Variants in GRK1 observed in about 807,000 individuals in gnomAD.
GRK1 encodes the protein rhodopsin kinase GRK1.
Under a neutral mutation model 41.7 loss-of-function variants are expected in GRK1, and 28 were observed. The ratio of observed to expected loss-of-function variants is 0.67; its 90% CI spans 0.50 to 0.92. The LOEUF (loss-of-function observed/expected upper bound fraction) is 0.92. GRK1 is among the 40% of genes least tolerant of loss of function. The pLI is 0.00. For missense variants in GRK1, 703 were observed against 671.2 expected (o/e 1.05, Z -0.52); for synonymous variants, 327 against 286.7 (o/e 1.14, Z -1.42).
In GRK1 at chr13:113,731,118, C is replaced by CG. The variant is rs548368069; in HGVS notation, c.1070-94dup. ...CCAAATGTGGAGAGTGCTGAGGCCCCGGGGGGGATGCATCCCCAGAGCATC... is the reference window on the plus strand; with the variant it reads ...CCAAATGTGGAGAGTGCTGAGGCCCCGGGGGGGGATGCATCCCCAGAGCATC... On this transcript the variant is annotated intron_variant, in intron 4 of 6. Coordinates refer to ENST00000335678, the MANE Select transcript of GRK1 (RefSeq NM_002929.3). This position sits in a 1 kb window ranked among gnomAD's most constrained non-coding sequence, Gnocchi z 5.6. 66 of 1,459,638 alleles carry CG rather than the reference C, an allele frequency of 4.5e-5. 1 individual carries two copies. Among genetic ancestry groups the CG allele is most frequent in the African/African-American group, 4.1e-4 (29 of 71,524 alleles). The allele number at this position is 1,459,638 out of a possible 1,614,324, so 90.4% of individuals were successfully genotyped here. A position where few individuals can be genotyped will look rare whatever the true frequency, so the allele number is the denominator to read the frequency against.
upstream of GRK1, among the ~76,000 whole-genome samples, chr13:113,665,034 C>T (rs965326545): frequency 1.3e-5 from 2 of 152,220 alleles, no homozygotes; most frequent in South Asian, 2.1e-4. Context: ...GCTCGGTCTG[C>T]GGGCCCTCGC....
chr13:113,657,483 C>T, the GRK1 span, among the ~76,000 whole-genome samples: 8 of 152,338 alleles, frequency 5.3e-5, no homozygotes, highest in African/African-American at 9.6e-5. Flanking sequence ...CCAGGCTGCC[C>T]GCGCCTCTGT....
the GRK1 span, chr13:113,653,155 A>G: frequency 1.3e-6 from 2 of 1,503,448 alleles, no homozygotes; most frequent in East Asian, 4.6e-5. Flanking sequence ...GCAAGCCCTG[A>G]GTGCGAGTTT....
At chr13:113,733,803 CTGTG>C (rs774641194) in intron 6 of GRK1, among the ~76,000 whole-genome samples, 7 of 70,766 alleles carry the variant, frequency 9.9e-5, no homozygotes, top group Non-Finnish European at 1.9e-4. Context: ...GTATGTGTAT[CTGTG>C]TGCATACGTG....
chr13:113,667,164 C>T, upstream of GRK1: 1 of 530,962 alleles, frequency 1.9e-6, no homozygotes, highest in Non-Finnish European at 3.3e-6. This position sits in a 1 kb window ranked among gnomAD's most constrained non-coding sequence, Gnocchi z 7.5. Context: ...CCTCCGTGAC[C>T]CCGGCTGGGA....
rs919534205 is a variant in GRK1, at chr13:113,735,333, G to A, written c.1662G>A (p.Ser554=). 4.9e-5 allele frequency: 75 copies of A among 1,522,416 alleles called. No homozygotes were observed. The highest frequency in any genetic ancestry group is 6.3e-5 in the Non-Finnish European group (72 of 1,137,538). 94.3% of individuals were successfully genotyped at this position (1,522,416 alleles called of 1,614,324 possible). ...MKGISGGSSS[S]SKSGMCLVS is the part of the protein sequence containing the mutation. ...GCATCTCCGGGGGCTCCAGCTCCTCGTCCAAGTCAGGGATGTGTCTGGTTT... is the reference window on the plus strand; with the variant it reads ...GCATCTCCGGGGGCTCCAGCTCCTCATCCAAGTCAGGGATGTGTCTGGTTT... Residue 554 remains serine, a synonymous_variant, in exon 7 of 7, where the codon TCG becomes TCA. Transcript: ENST00000335678.
At chr13:113,733,733 GTGTA>G (rs2049964362) in intron 6 of GRK1, among the ~76,000 whole-genome samples, 1 of 144,438 alleles carries the variant, frequency 6.9e-6, no homozygotes, top group African/African-American at 2.6e-5. Flanking sequence ...GTGCGCGCGT[GTGTA>G]TGTGTGCATA....
chr13:113,649,002 TG>T, the GRK1 span: 5,236 of 161,792 alleles, frequency 0.032, 161 homozygotes, highest in South Asian at 0.12. The surrounding 1 kb of genome is among the most constrained non-coding windows in gnomAD (Gnocchi z 4.7). Context: ...TATATTAATG[TG>T]GGGGGGGCAG....
the GRK1 span, chr13:113,649,179 A>G: frequency 2.0e-6 from 1 of 512,604 alleles, no homozygotes; most frequent in Non-Finnish European, 3.3e-6. The surrounding 1 kb of genome is among the most constrained non-coding windows in gnomAD (Gnocchi z 4.7). Flanking sequence ...TAAGAATTCA[A>G]CAAGGAAGAA....
rs964483417 is a variant in GRK1, at chr13:113,671,676, G to C, written c.985+20G>C. ...ATGACGGTAGGAGGTGCCCTCGGCT[G>C]GGAGGGATGAGGGCTACGAGGAGGG... On this transcript the variant is annotated intron_variant, in intron 3 of 6. Coordinates refer to ENST00000335678, the MANE Select transcript of GRK1 (RefSeq NM_002929.3). The surrounding 1 kb of genome is among the most constrained non-coding windows in gnomAD (Gnocchi z 4.1). 46 of 736,038 alleles carry C rather than the reference G, an allele frequency of 6.2e-5. No homozygotes were observed. The highest frequency in any genetic ancestry group is 1.0e-4 in the Non-Finnish European group (42 of 403,868). 45.6% of individuals were successfully genotyped at this position (736,038 alleles called of 1,614,324 possible).
At position 113,733,173 on chromosome 13, in the gene GRK1, G is replaced by A. The variant is rs528121204; in HGVS notation, c.1396+88G>A. The stretch of plus-strand genomic sequence containing the variant: ...CCGCCCGGTCCAGCCTGTGAGAGTC[G>A]GCAGGGAGGAGTGCCTCAGACCCCC... On this transcript the variant is annotated intron_variant, in intron 6 of 6. Coordinates refer to ENST00000335678, the MANE Select transcript of GRK1 (RefSeq NM_002929.3). 5.2e-5 allele frequency: 70 copies of A among 1,358,578 alleles called. No homozygotes were observed. The East Asian group carries it at 1.3e-3, about 26-fold the overall frequency. 84.2% of individuals were successfully genotyped at this position (1,358,578 alleles called of 1,614,324 possible). A position where few individuals can be genotyped will look rare whatever the true frequency, so the allele number is the denominator to read the frequency against.
At position 113,669,725 on chromosome 13, in the gene GRK1, C is replaced by G; in HGVS notation, c.738C>G (p.His246Gln). ...MVEKKILMKV[H>Q]SRFIVSLAYA... ...AGAAGAAGATTCTGATGAAAGTACA[C>G]AGCAGGTTCATCGTGTCTCTGGCCT... Residue 246 changes from histidine to glutamine, a missense_variant, in exon 2 of 7, where the codon CAC becomes CAG. Coordinates refer to ENST00000335678, the MANE Select transcript of GRK1 (RefSeq NM_002929.3). The G allele has an allele frequency of 6.2e-7, 1 of 1,614,002 alleles. No homozygotes were observed. Among genetic ancestry groups the G allele is most frequent in the Non-Finnish European group, 8.5e-7 (1 of 1,179,876 alleles).
At chr13:113,654,687 G>T in the GRK1 span, 1 of 1,420,556 alleles carries the variant, frequency 7.0e-7, no homozygotes, top group African/African-American at 1.4e-5. Context: ...CTCACCCTGG[G>T]GCTGCCGGGC....
At chr13:113,655,228 C>T in the GRK1 span, among the ~76,000 whole-genome samples, 4 of 152,206 alleles carry the variant, frequency 2.6e-5, no homozygotes, top group African/African-American at 7.2e-5. Context: ...TCACTCCAGC[C>T]GCTGTTTGAG....
At chr13:113,668,785 G>T (rs1033213732) in intron 1 of GRK1, among the ~76,000 whole-genome samples, 1 of 152,194 alleles carries the variant, frequency 6.6e-6, no homozygotes, top group African/African-American at 2.4e-5. Flanking sequence ...TTGACTCCAC[G>T]TGGCTCCTGG....
chr13:113,669,773 C>T lies in GRK1; in HGVS notation c.786C>T (p.Asp262=). The T allele has an allele frequency of 6.2e-7, 1 of 1,613,976 alleles. No homozygotes were observed. The highest frequency in any genetic ancestry group is 8.5e-7 in the Non-Finnish European group (1 of 1,179,872). Residue 262 remains aspartate, a synonymous_variant, in exon 2 of 7, where the codon GAC becomes GAT. Coordinates refer to ENST00000335678, the MANE Select transcript of GRK1 (RefSeq NM_002929.3). The part of the protein sequence containing the change: ...SLAYAFETKA[D]LCLVMTIMNG... Reference sequence around the variant, plus strand: ...CCTATGCGTTTGAAACCAAAGCCGACCTCTGTCTGGTGATGACCATCATGA... The same window carrying T: ...CCTATGCGTTTGAAACCAAAGCCGATCTCTGTCTGGTGATGACCATCATGA...
At chr13:113,732,748 TG>T in intron 5 of GRK1, 135 bp from the exon 6 acceptor site, 1 of 828,480 alleles carries the variant, frequency 1.2e-6, no homozygotes, top group Non-Finnish European at 1.9e-6. Flanking sequence ...GCTGCTGTGC[TG>T]GGGAGGGGCA....
the GRK1 span, among the ~76,000 whole-genome samples, chr13:113,661,199 C>CAGAAAA: frequency 6.6e-6 from 1 of 152,000 alleles, no homozygotes; most frequent in East Asian, 1.9e-4. Context: ...ACAAAGATAA[C>CAGAAAA]AGAAAAACCT....
At chr13:113,726,659 C>CA (rs1256064165) in intron 4 of GRK1, 1 of 153,718 alleles carries the variant, frequency 6.5e-6, no homozygotes, top group African/African-American at 2.4e-5. Context: ...GGGGTCAGGC[C>CA]AGGAGGGCTG....
Sources: gnomAD v4.1 joint callset for allele counts (sites outside exome capture counted in the v4.1 genomes callset) on GRCh38, gnomAD v4.1.1 for gene constraint, Gnocchi (gnomAD v3.1) non-coding constraint, MANE v1.5 for transcripts, NCBI Gene and HGNC (gene_info 2026-07-23, HGNC 2026-07-21) for gene names.